The following LDB2 variants were observed in gnomAD, a reference collection of about 807,000 sequenced individuals.
LDB2 encodes LIM domain binding 2, also known as LIM domain-binding protein 2.
A neutral mutation model predicts 44.3 loss-of-function variants in LDB2; 12 were observed. That is an observed-to-expected ratio of 0.27 (90% CI 0.17 to 0.44). The LOEUF is 0.44. Ranked by LOEUF, LDB2 falls within the 20% of genes least tolerant of loss-of-function variation. The pLI is 1.00. For missense variants in LDB2, 344 were observed against 473.5 expected, an observed-to-expected ratio of 0.73 and a Z score of 2.54; for synonymous variants, 164 against 174.8, an observed-to-expected ratio of 0.94 and a Z score of 0.49.
At chr4:16,871,787 AT>A (rs1378926950) in intron 1 of LDB2, among the ~76,000 whole-genome samples, 1 of 151,520 alleles carries the variant, frequency 6.6e-6, no homozygotes, top group Non-Finnish European at 1.5e-5. Flanking sequence ...CGCCCAGCTA[AT>A]TTTTGTATTT....
intron 5 of LDB2, among the ~76,000 whole-genome samples, chr4:16,530,609 CAT>C (rs1729814725): frequency 6.6e-6 from 1 of 152,206 alleles, no homozygotes; most frequent in Admixed American, 6.5e-5. Context: ...CTTCTGAAAA[CAT>C]AAAATAAGGG....
At chr4:16,815,935 C>T (rs1015197007) in intron 1 of LDB2, among the ~76,000 whole-genome samples, 6 of 152,280 alleles carry the variant, frequency 3.9e-5, no homozygotes, top group Admixed American at 6.5e-5. Context: ...AGGCCAGGCA[C>T]GGTGGCTCAT....
chr4:16,522,289 T>C (rs982172327), intron 5 of LDB2, among the ~76,000 whole-genome samples: 2 of 152,076 alleles, frequency 1.3e-5, no homozygotes, highest in Non-Finnish European at 2.9e-5. Flanking sequence ...TGTGTGTGTG[T>C]GTGTGTGTAT....
intron 2 of LDB2, among the ~76,000 whole-genome samples, chr4:16,723,001 A>G (rs892333751): frequency 6.6e-6 from 1 of 152,120 alleles, no homozygotes; most frequent in African/African-American, 2.4e-5. Flanking sequence ...TTGAAAGTGT[A>G]TTTTTGGCTT....
intron 2 of LDB2, among the ~76,000 whole-genome samples, chr4:16,644,171 G>T (rs1404113266): frequency 2.0e-5 from 3 of 152,174 alleles, no homozygotes; most frequent in African/African-American, 7.2e-5. Context: ...TTGGAAGAGT[G>T]GGAGAGTGTG....
At chr4:16,734,107 GT>G (rs1761348481) in intron 2 of LDB2, among the ~76,000 whole-genome samples, 1 of 152,126 alleles carries the variant, frequency 6.6e-6, no homozygotes, top group African/African-American at 2.4e-5. Context: ...ACCTTTTAAA[GT>G]TGTTGGCTGG....
rs905904070 is a variant in LDB2, at chr4:16,672,230, C to T, written c.236-76355G>A. Among the ~76,000 whole-genome samples, 8 of 152,186 alleles carry T rather than the reference C, an allele frequency of 5.3e-5. No individual in the cohort carries two copies. In the South Asian group the frequency reaches 8.3e-4, roughly 16 times the overall value. On this transcript the variant is annotated intron_variant, in intron 2 of 7. Coordinates refer to ENST00000304523, the MANE Select transcript of LDB2 (RefSeq NM_001290.5). ...AACCAACTCACTGAAGGTCACACAGCGTGTGAGTGGCAGAAATCTATTAGA... is the reference window on the plus strand; with the variant it reads ...AACCAACTCACTGAAGGTCACACAGTGTGTGAGTGGCAGAAATCTATTAGA...
intron 1 of LDB2, among the ~76,000 whole-genome samples, chr4:16,831,253 C>A (rs1206362483): frequency 6.8e-6 from 1 of 146,498 alleles, no homozygotes; most frequent in African/African-American, 2.5e-5. Context: ...ATAGGACAAG[C>A]AGCAAGGAGG....
chr4:16,872,624 A>G (rs1439407206), intron 1 of LDB2, among the ~76,000 whole-genome samples: 1 of 152,226 alleles, frequency 6.6e-6, no homozygotes, highest in African/African-American at 2.4e-5. Flanking sequence ...GAATGAGAGC[A>G]ATAGACCTTC....
chr4:16,661,735 ATGAC>A (rs1189864020), intron 2 of LDB2, among the ~76,000 whole-genome samples: 3 of 152,202 alleles, frequency 2.0e-5, no homozygotes, highest in African/African-American at 7.2e-5. Context: ...AGTATTTTGA[ATGAC>A]TGAATGAATT....
At chr4:16,650,171 AC>A (rs1467242473) in intron 2 of LDB2, among the ~76,000 whole-genome samples, 1 of 152,182 alleles carries the variant, frequency 6.6e-6, no homozygotes, top group East Asian at 1.9e-4. Flanking sequence ...AAGCTCTGTG[AC>A]CTTGAGCAAA....
chr4:16,823,358 T>G (rs1273364762), intron 1 of LDB2, among the ~76,000 whole-genome samples: 2 of 152,204 alleles, frequency 1.3e-5, no homozygotes, highest in Admixed American at 6.5e-5. Context: ...GTTTTGTTGG[T>G]TTTCTTGCTC....
chr4:16,864,113 A>G (rs1275961444), intron 1 of LDB2, among the ~76,000 whole-genome samples: 1 of 152,148 alleles, frequency 6.6e-6, no homozygotes, highest in African/African-American at 2.4e-5. Context: ...AGAGAGGGAG[A>G]GAGAGAAAAA....
At chr4:16,814,944 A>C (rs1211958169) in intron 1 of LDB2, among the ~76,000 whole-genome samples, 1 of 152,242 alleles carries the variant, frequency 6.6e-6, no homozygotes, top group African/African-American at 2.4e-5. Context: ...ATTCAAAAGC[A>C]AAAGTATCTT....
intron 1 of LDB2, among the ~76,000 whole-genome samples, chr4:16,819,273 G>T (rs941024199): frequency 2.0e-5 from 3 of 151,832 alleles, no homozygotes; most frequent in Non-Finnish European, 4.4e-5. Context: ...TCATAATTTT[G>T]TATAAAACAG....
chr4:16,516,446 C>T (rs1038268627), intron 5 of LDB2, among the ~76,000 whole-genome samples: 3 of 152,278 alleles, frequency 2.0e-5, no homozygotes, highest in Middle Eastern at 3.4e-3. Flanking sequence ...CTGCTCGGTG[C>T]TGGGGACACA....
In LDB2 at chr4:16,814,020, C is replaced by T. The variant is rs1453444696; in HGVS notation, c.133-54760G>A. Among the ~76,000 whole-genome samples the T allele has an allele frequency of 3.9e-5, 6 of 151,920 alleles. 1 individual carries two copies. The highest frequency in any genetic ancestry group is 4.2e-4 in the South Asian group (2 of 4,812). On this transcript the variant is annotated intron_variant, in intron 1 of 7. Coordinates refer to ENST00000304523, the MANE Select transcript of LDB2 (RefSeq NM_001290.5). Reference sequence around the variant, plus strand: ...CCGAGTAGCTGGGACTACAGGCGCCCACCACCACGCCTGGCTAATTTTTTG... The same window carrying T: ...CCGAGTAGCTGGGACTACAGGCGCCTACCACCACGCCTGGCTAATTTTTTG...
chr4:16,661,889 T>C (rs1741689736), intron 2 of LDB2, among the ~76,000 whole-genome samples: 1 of 152,200 alleles, frequency 6.6e-6, no homozygotes, highest in African/African-American at 2.4e-5. Context: ...AGAGAGCACA[T>C]GGAATCTTGT....
intron 2 of LDB2, among the ~76,000 whole-genome samples, chr4:16,625,913 T>C (rs1207300825): frequency 6.6e-6 from 1 of 152,142 alleles, no homozygotes; most frequent in Non-Finnish European, 1.5e-5. Flanking sequence ...CCAGTAAGAA[T>C]GGTCTTCTTA....
Sources: gnomAD v4.1 joint callset for allele counts (sites outside exome capture counted in the v4.1 genomes callset) on GRCh38, gnomAD v4.1.1 for gene constraint, MANE v1.5 for transcripts, NCBI Gene and HGNC (gene_info 2026-07-23, HGNC 2026-07-21) for gene names.